The following DCDC2 variants were observed in gnomAD, a reference collection of about 807,000 sequenced individuals.
DCDC2 encodes doublecortin domain containing 2, also known as doublecortin domain-containing protein 2.
In DCDC2, 40 loss-of-function variants were observed where a neutral mutation model predicts 50.2. The ratio of observed to expected loss-of-function variants is 0.80; its 90% CI spans 0.62 to 1.04. The LOEUF is 1.04. Ranked by LOEUF, DCDC2 falls within the 50% of genes least tolerant of loss-of-function variation. The pLI is 0.00. For synonymous variants in DCDC2, 234 were observed against 210.6 expected, an observed-to-expected ratio of 1.11 and a Z score of -0.96; for missense variants, 570 against 581.9, an observed-to-expected ratio of 0.98 and a Z score of 0.21.
chr6:24,204,603 A>C (rs1033675295), intron 8 of DCDC2, among the ~76,000 whole-genome samples: 3 of 152,212 alleles, frequency 2.0e-5, no homozygotes, highest in Non-Finnish European at 2.9e-5. Context: ...CGTTCTGCAC[A>C]TGTATGCCAG....
chr6:24,243,219 C>G (rs934067714), intron 7 of DCDC2, among the ~76,000 whole-genome samples: 1 of 152,158 alleles, frequency 6.6e-6, no homozygotes, highest in Non-Finnish European at 1.5e-5. Context: ...AGCTGAAACC[C>G]TGGGCTTACA....
chr6:24,273,877 T>A (rs1274398183), intron 7 of DCDC2, among the ~76,000 whole-genome samples: 1 of 152,170 alleles, frequency 6.6e-6, no homozygotes. Flanking sequence ...TATTCAGACA[T>A]CCTTCTGCCG....
At chr6:24,335,458 C>T (rs932661217) in intron 2 of DCDC2, among the ~76,000 whole-genome samples, 2 of 152,168 alleles carry the variant, frequency 1.3e-5, no homozygotes, top group South Asian at 2.1e-4. Context: ...AGCTTTCCAG[C>T]ATCTGAATGC....
At chr6:24,381,803 AAAGGAAGGAAGGAAGGAAGGAAGGAAGG>A in the DCDC2 span, among the ~76,000 whole-genome samples, 191 of 67,276 alleles carry the variant, frequency 2.8e-3, 1 homozygote, top group South Asian at 0.035. Flanking sequence ...GGAAGGAAAG[AAAGGAAGGAAGGAAGGAAGGAAGGAAGG>A]AAGGAAGGAA....
At chr6:24,353,909 T>C (rs998968164) in intron 1 of DCDC2, among the ~76,000 whole-genome samples, 2 of 152,232 alleles carry the variant, frequency 1.3e-5, no homozygotes, top group Non-Finnish European at 2.9e-5. Context: ...CTGCTTACTA[T>C]ATACACTATA....
chr6:24,322,516 G>C (rs1441711682), intron 2 of DCDC2, among the ~76,000 whole-genome samples: 1 of 133,698 alleles, frequency 7.5e-6, no homozygotes, highest in South Asian at 2.3e-4. Context: ...TCCAGATCCA[G>C]GAGATAATCA....
the DCDC2 span, among the ~76,000 whole-genome samples, chr6:24,373,661 T>C: frequency 0.98 from 149,500 of 152,224 alleles, 73,456 homozygotes; most frequent in East Asian, 1. Flanking sequence ...CGGGAGCACA[T>C]GGGGTTACTG....
At chr6:24,258,515 A>G (rs1012593899) in intron 7 of DCDC2, among the ~76,000 whole-genome samples, 6 of 152,142 alleles carry the variant, frequency 3.9e-5, no homozygotes, top group Admixed American at 3.3e-4. Context: ...GCATTTTGCA[A>G]TCCTCTTGTA....
chr6:24,195,218 G>A (rs114438778), intron 8 of DCDC2, among the ~76,000 whole-genome samples: 4,006 of 152,206 alleles, frequency 0.026, 87 homozygotes, highest in African/African-American at 0.058. Flanking sequence ...CAGTGACAAA[G>A]GACTTTATTG....
In DCDC2 at chr6:24,343,890, T is replaced by C. The variant is rs546790299; in HGVS notation, c.348+9679A>G. Among the ~76,000 whole-genome samples, 8 of 152,338 alleles carry C rather than the reference T, an allele frequency of 5.3e-5. No individual in the cohort carries two copies. In the East Asian group the frequency reaches 1.5e-3, roughly 29 times the overall value. On this transcript the variant is annotated intron_variant, in intron 2 of 9. Coordinates refer to ENST00000378454, the MANE Select transcript of DCDC2 (RefSeq NM_016356.5). ...TATTTATGGAGTACAACATAATTTT[T>C]TGATATATGGGCACGCTGTGGGATG...
intron 7 of DCDC2, among the ~76,000 whole-genome samples, chr6:24,256,074 T>C (rs1239087790): frequency 6.6e-6 from 1 of 152,190 alleles, no homozygotes; most frequent in Non-Finnish European, 1.5e-5. Context: ...CAAACTATTG[T>C]TATGGTCAAC....
chr6:24,208,742 C>G (rs1581587426), intron 7 of DCDC2, among the ~76,000 whole-genome samples: 1 of 152,288 alleles, frequency 6.6e-6, no homozygotes, highest in African/African-American at 2.4e-5. Flanking sequence ...ATTTCTTTTA[C>G]CAATTCTGCC....
In DCDC2 at chr6:24,357,494, TA is replaced by T; in HGVS notation, c.256del (p.Tyr86ThrfsTer17). The T allele has an allele frequency of 1.2e-6, 2 of 1,610,562 alleles. No homozygotes were observed. The highest frequency in any genetic ancestry group is 1.7e-6 in the Non-Finnish European group (2 of 1,177,998). ...GAAGGCTTCCTGGCCTCCAGCCACG[TA>T]ATTGCCCCCGCTCTGGATCTGGTCT... The part of the protein sequence containing the change: ...KLDQIQSGGN[Y>X]VAGGQEAFKK... On this transcript the variant is annotated frameshift_variant, in exon 1 of 10. Transcript: ENST00000378454. LOFTEE classifies it high-confidence loss of function.
At chr6:24,211,086 T>C (rs1220304666) in intron 7 of DCDC2, among the ~76,000 whole-genome samples, 1 of 152,336 alleles carries the variant, frequency 6.6e-6, no homozygotes, top group East Asian at 1.9e-4. Context: ...TTGCACTTAC[T>C]GTGTTTGTCA....
intron 7 of DCDC2, among the ~76,000 whole-genome samples, chr6:24,268,222 C>CA (rs1292460563): frequency 6.6e-6 from 1 of 152,168 alleles, no homozygotes; most frequent in African/African-American, 2.4e-5. Flanking sequence ...CGCGGTGACT[C>CA]ACGCCTGTAA....
intron 7 of DCDC2, chr6:24,205,350 T>C (rs1761697450): frequency 2.0e-6 from 3 of 1,496,818 alleles, no homozygotes; most frequent in African/African-American, 2.8e-5. Flanking sequence ...AAGCTCCTGT[T>C]CACCCTTTGG....
chr6:24,193,790 G>C (rs1285924900), intron 8 of DCDC2, among the ~76,000 whole-genome samples: 1 of 152,020 alleles, frequency 6.6e-6, no homozygotes, highest in Non-Finnish European at 1.5e-5. Flanking sequence ...GGGGGAACGA[G>C]TTTGGGAAAA....
chr6:24,272,979 C>A (rs887024585), intron 7 of DCDC2, among the ~76,000 whole-genome samples: 1 of 151,500 alleles, frequency 6.6e-6, no homozygotes, highest in Non-Finnish European at 1.5e-5. Flanking sequence ...CAATGGATAA[C>A]TGGAAAAAGA....
rs149366284 is a variant in DCDC2 at position 24,230,703 on chromosome 6, G to T, written c.923-25601C>A. 1.7e-3 allele frequency among the ~76,000 whole-genome samples: 253 copies of T among 152,262 alleles called. 1 individual carries two copies. Among genetic ancestry groups the T allele is most frequent in the African/African-American group, 5.6e-3 (234 of 41,548 alleles). ...AAAAGCTTGAGGATTGGATATCAGA[G>T]GGGAGACTGTTCCAGACAGAGGGAA... On this transcript the variant is annotated intron_variant, in intron 7 of 9. Coordinates refer to ENST00000378454, the MANE Select transcript of DCDC2 (RefSeq NM_016356.5).
Sources: gnomAD v4.1 joint callset for allele counts (sites outside exome capture counted in the v4.1 genomes callset) on GRCh38, gnomAD v4.1.1 for gene constraint, MANE v1.5 for transcripts, NCBI Gene and HGNC (gene_info 2026-07-23, HGNC 2026-07-21) for gene names.